SF3B3: variants seen among roughly 807,000 people sequenced by gnomAD.
SF3B3 encodes the protein SAP 130.
In SF3B3, 33 loss-of-function variants were observed where a neutral mutation model predicts 139.2. The observed-to-expected ratio is 0.24, with a 90% CI of 0.18 to 0.32. The LOEUF (loss-of-function observed/expected upper bound fraction) is 0.32. Among genes scored for constraint, SF3B3 ranks in the 10% least tolerant of loss-of-function variants. The pLI is 1.00. For missense variants in SF3B3, 818 were observed against 1,509.4 expected (o/e 0.54, Z 7.59); for synonymous variants, 596 against 563.6 (o/e 1.06, Z -0.81).
chr16:70,546,855 G>A (rs1195640154), intron 10 of SF3B3, among the ~76,000 whole-genome samples: 5 of 151,958 alleles, frequency 3.3e-5, no homozygotes, highest in Non-Finnish European at 7.4e-5. Context: ...GTGAAACCCC[G>A]TCTCTACTAA....
chr16:70,568,199 T>A (rs1029965174), intron 21 of SF3B3, 84 bp from the exon 22 acceptor site: 2 of 1,025,406 alleles, frequency 2.0e-6, no homozygotes, highest in Admixed American at 1.7e-5. Flanking sequence ...TGACCCTACG[T>A]ATGTCATACG....
intron 11 of SF3B3, among the ~76,000 whole-genome samples, chr16:70,553,896 A>T (rs975750739): frequency 1.3e-5 from 2 of 152,212 alleles, no homozygotes; most frequent in African/African-American, 4.8e-5. Context: ...TTTCCTGGTT[A>T]TCTAGTTTTC....
intron 17 of SF3B3, 58 bp downstream of exon 17, chr16:70,561,842 T>A: frequency 6.7e-7 from 1 of 1,490,152 alleles, no homozygotes; most frequent in Non-Finnish European, 9.3e-7. Flanking sequence ...GGGCTCAGAC[T>A]GGTTCTGCCA....
intron 24 of SF3B3, 46 bp from the exon 25 acceptor site, chr16:70,571,049 A>G (rs2050523898): frequency 7.8e-7 from 1 of 1,277,088 alleles, no homozygotes. Flanking sequence ...ACTCTAGACT[A>G]GTTGAAATCA....
chr16:70,531,156 T>C (rs1252967194), intron 4 of SF3B3, among the ~76,000 whole-genome samples: 2 of 151,902 alleles, frequency 1.3e-5, no homozygotes, highest in Non-Finnish European at 2.9e-5. Context: ...GTGGTCCAGC[T>C]ACTCGGGAAG....
intron 6 of SF3B3, 95 bp from the exon 7 acceptor site, chr16:70,538,228 T>C: frequency 8.6e-7 from 1 of 1,162,370 alleles, no homozygotes. Context: ...TTTAGGCCTT[T>C]AATGTCATTT....
intron 6 of SF3B3, chr16:70,537,921 A>G (rs2050183410): frequency 2.3e-6 from 1 of 429,380 alleles, no homozygotes; most frequent in African/African-American, 2.1e-5. Flanking sequence ...AAGAAAAAAA[A>G]TTCAAAGTCA....
At position 70,569,105 on chromosome 16, in the gene SF3B3, G is replaced by C. The variant is rs1461795957; in HGVS notation, c.3228G>C (p.Leu1076=). The part of the protein sequence containing the change: ...VDEDPTGNKA[L]WDRGLLNGAS... Reference sequence around the variant, plus strand: ...AGGATCCTACAGGAAACAAAGCCCTGTGGGACCGTGGCTTGCTCAATGGGG... The same window carrying C: ...AGGATCCTACAGGAAACAAAGCCCTCTGGGACCGTGGCTTGCTCAATGGGG... Residue 1076 remains leucine, a synonymous_variant, in exon 23 of 26, where the codon CTG becomes CTC. Transcript: ENST00000302516. The C allele has an allele frequency of 6.2e-7, 1 of 1,612,032 alleles. No individual in the cohort carries two copies. The highest frequency in any genetic ancestry group is 1.7e-5 in the Admixed American group (1 of 59,824).
intron 11 of SF3B3, among the ~76,000 whole-genome samples, chr16:70,553,494 T>G (rs1437075802): frequency 1.3e-5 from 2 of 152,124 alleles, no homozygotes; most frequent in African/African-American, 4.8e-5. Context: ...TTAACCTGAT[T>G]TCTGGTTAAG....
At chr16:70,542,870 C>T (rs1014034974) in intron 9 of SF3B3, among the ~76,000 whole-genome samples, 11 of 151,616 alleles carry the variant, frequency 7.3e-5, no homozygotes, top group African/African-American at 1.2e-4. Context: ...TACAAGCGCC[C>T]GCCACCATGC....
At position 70,553,222 on chromosome 16, in the gene SF3B3, G is replaced by A. The variant is rs79696204; in HGVS notation, c.1403-1224G>A. ...CAGGCATGAGCCATCATGCCTGGTCGAATGATACATCTTCATTTGACCCCT... is the reference window on the plus strand; with the variant it reads ...CAGGCATGAGCCATCATGCCTGGTCAAATGATACATCTTCATTTGACCCCT... On this transcript the variant is annotated intron_variant, in intron 11 of 25. Transcript: ENST00000302516. Among the ~76,000 whole-genome samples the A allele has an allele frequency of 6.5e-3, 987 of 152,174 alleles. 12 individuals carry two copies. Among genetic ancestry groups the A allele is most frequent in the African/African-American group, 0.022 (925 of 41,534 alleles).
At chr16:70,535,267 T>A (rs2050155872) in intron 5 of SF3B3, 41 bp from the exon 6 acceptor site, 1 of 1,024,244 alleles carries the variant, frequency 9.8e-7, no homozygotes, top group African/African-American at 1.6e-5. Flanking sequence ...GAAATTCATG[T>A]CTGAGTCAAA....
At chr16:70,570,373 C>T (rs1408808880) in intron 24 of SF3B3, among the ~76,000 whole-genome samples, 6 of 135,106 alleles carry the variant, frequency 4.4e-5, no homozygotes, top group South Asian at 2.6e-4. Context: ...CACTGTTACC[C>T]GGGCTGGAGT....
intron 2 of SF3B3, 44 bp from the exon 3 acceptor site, chr16:70,528,829 G>T (rs1209611130): frequency 3.4e-6 from 5 of 1,457,458 alleles, no homozygotes; most frequent in Middle Eastern, 4.2e-4. Flanking sequence ...TGGTGGCCAG[G>T]CTGGGTTCTG....
intron 10 of SF3B3, 87 bp from the exon 11 acceptor site, chr16:70,548,283 T>G: frequency 9.1e-7 from 1 of 1,103,002 alleles, no homozygotes; most frequent in Non-Finnish European, 1.4e-6. Context: ...GAACCCTGCC[T>G]TTGAGACCTT....
intron 11 of SF3B3, among the ~76,000 whole-genome samples, chr16:70,549,838 T>A (rs2050305310): frequency 6.6e-6 from 1 of 152,090 alleles, no homozygotes; most frequent in African/African-American, 2.4e-5. Flanking sequence ...GGCAGGAGAA[T>A]CACTTGAACC....
At chr16:70,561,923 A>C (rs2050432755) in intron 17 of SF3B3, 139 bp downstream of exon 17, 1 of 699,980 alleles carries the variant, frequency 1.4e-6, no homozygotes, top group South Asian at 2.0e-5. Flanking sequence ...GTTGCAATTG[A>C]AACCTTCATT....
Position 70,577,051 on chromosome 16 carries a change from C to G in SF3B3, c.*5238C>G, listed in dbSNP as rs2050587477. The G allele has an allele frequency of 6.6e-6, 1 of 152,226 alleles. No individual in the cohort carries two copies. The highest frequency in any genetic ancestry group is 2.4e-5 in the African/African-American group (1 of 41,420). 9.4% of individuals were successfully genotyped at this position (152,226 alleles called of 1,614,324 possible). A position where few individuals can be genotyped will look rare whatever the true frequency, so the allele number is the denominator to read the frequency against. ...GCTGAGACAGGAGGATCACTTCAGCCTATGAGTTTGAGGCTGCAGTGAGCT... is the reference window on the plus strand; with the variant it reads ...GCTGAGACAGGAGGATCACTTCAGCGTATGAGTTTGAGGCTGCAGTGAGCT... On this transcript the variant is annotated 3_prime_UTR_variant, in exon 26 of 26. Coordinates refer to ENST00000302516, the MANE Select transcript of SF3B3 (RefSeq NM_012426.5).
intron 1 of SF3B3, among the ~76,000 whole-genome samples, chr16:70,525,535 G>A (rs965679979): frequency 1.3e-5 from 2 of 152,116 alleles, no homozygotes; most frequent in Non-Finnish European, 2.9e-5. Flanking sequence ...AGTAACTTGC[G>A]GGGAGCTGTT....
Sources: allele counts gnomAD v4.1 joint callset (sites outside exome capture counted in the v4.1 genomes callset), GRCh38; gene constraint gnomAD v4.1.1; transcripts MANE v1.5; gene names NCBI Gene and HGNC (gene_info 2026-07-23, HGNC 2026-07-21).